SHISA9: variants seen among roughly 807,000 people sequenced by gnomAD.
The protein encoded by SHISA9 is protein shisa-9.
In SHISA9, 13 loss-of-function variants were observed where a neutral mutation model predicts 38.0. That is an observed-to-expected ratio of 0.34 (90% CI 0.22 to 0.54). The LOEUF is 0.54. Among genes scored for constraint, SHISA9 ranks in the 20% least tolerant of loss-of-function variants. The pLI is 0.91. For synonymous variants in SHISA9, 275 were observed against 242.0 expected, an observed-to-expected ratio of 1.14 and a Z score of -1.27; for missense variants, 538 against 575.8, an observed-to-expected ratio of 0.93 and a Z score of 0.67.
the SHISA9 span, among the ~76,000 whole-genome samples, chr16:13,288,379 C>T: frequency 3.9e-5 from 6 of 152,004 alleles, no homozygotes; most frequent in East Asian, 1.9e-4. Flanking sequence ...TCACAGAGGA[C>T]GGCCTTCTCA....
chr16:13,140,299 C>A lies in SHISA9; in HGVS notation c.692-63095C>A, dbSNP rs138811941. On this transcript the variant is annotated intron_variant, in intron 2 of 4. Transcript: ENST00000558583. Reference sequence around the variant, plus strand: ...TCAAGGAATTCTCCTGTCTCAGCCTCCTGAGTAGCTAGGGTCACAGGTGCC... The same window carrying A: ...TCAAGGAATTCTCCTGTCTCAGCCTACTGAGTAGCTAGGGTCACAGGTGCC... Among the ~76,000 whole-genome samples, 519 of 151,960 alleles carry A rather than the reference C, an allele frequency of 3.4e-3. 3 individuals are homozygous for A. Among genetic ancestry groups the A allele is most frequent in the African/African-American group, 0.012 (501 of 41,410 alleles).
the SHISA9 span, among the ~76,000 whole-genome samples, chr16:13,437,854 C>CA: frequency 3.2e-5 from 2 of 62,818 alleles, no homozygotes; most frequent in Admixed American, 6.0e-4. Context: ...GTTCCTAGCA[C>CA]TTTTTTTTTC....
chr16:13,477,299 T>C, the SHISA9 span, among the ~76,000 whole-genome samples: 1 of 152,150 alleles, frequency 6.6e-6, no homozygotes, highest in African/African-American at 2.4e-5. Context: ...CATGGGAAGG[T>C]ACCTTACACA....
At chr16:12,932,362 G>C (rs2071472676) in intron 2 of SHISA9, among the ~76,000 whole-genome samples, 1 of 151,940 alleles carries the variant, frequency 6.6e-6, no homozygotes, top group African/African-American at 2.4e-5. Context: ...TCTTTTTTGA[G>C]ATGGAGTCTT....
At chr16:13,296,040 A>C in the SHISA9 span, among the ~76,000 whole-genome samples, 1 of 152,196 alleles carries the variant, frequency 6.6e-6, no homozygotes, top group Admixed American at 6.5e-5. Flanking sequence ...AAATCTGAAA[A>C]GTGTCTCTTA....
At chr16:13,455,984 C>T in the SHISA9 span, among the ~76,000 whole-genome samples, 3 of 152,270 alleles carry the variant, frequency 2.0e-5, no homozygotes, top group East Asian at 3.9e-4. Flanking sequence ...GGAGATAAAA[C>T]GTGGCTACCT....
chr16:13,444,246 C>G, the SHISA9 span, among the ~76,000 whole-genome samples: 2 of 152,224 alleles, frequency 1.3e-5, no homozygotes, highest in East Asian at 3.9e-4. Flanking sequence ...TGGCACGCAC[C>G]TATAGTCCCA....
chr16:13,151,231 T>C (rs2050496358), intron 2 of SHISA9, among the ~76,000 whole-genome samples: 1 of 152,096 alleles, frequency 6.6e-6, no homozygotes, highest in Non-Finnish European at 1.5e-5. Context: ...CTCAGCCTCC[T>C]GAGGAGCTGG....
the SHISA9 span, among the ~76,000 whole-genome samples, chr16:13,561,329 C>G: frequency 2.3e-3 from 355 of 152,310 alleles, 2 homozygotes; most frequent in African/African-American, 8.2e-3. Flanking sequence ...CTCTGCATTT[C>G]TTACATAACT....
intron 2 of SHISA9, among the ~76,000 whole-genome samples, chr16:13,079,022 C>T (rs773724790): frequency 1.8e-4 from 27 of 152,298 alleles, no homozygotes; most frequent in South Asian, 6.2e-4. Flanking sequence ...TGCTAAGTGA[C>T]CCTGTGTGAG....
chr16:12,901,943 T>G lies in SHISA9; in HGVS notation c.-122T>G. 4 of 746,608 alleles carry G rather than the reference T, an allele frequency of 5.4e-6. No homozygotes were observed. Among genetic ancestry groups the G allele is most frequent in the Non-Finnish European group, 5.5e-6 (3 of 544,380 alleles). The allele number at this position is 746,608 out of a possible 1,614,324, so 46.2% of individuals were successfully genotyped here. A position where few individuals can be genotyped will look rare whatever the true frequency, so the allele number is the denominator to read the frequency against. On this transcript the variant is annotated 5_prime_UTR_variant, in exon 1 of 5. An upstream start codon of the reference 5' UTR is lost. Transcript: ENST00000558583. ...CGAGCGCCCCGCGCCGCTCCCTGCA[T>G]GTGCGGCCCGCGGCGGCTCGCAGCT...
At chr16:13,539,361 A>AC in the SHISA9 span, among the ~76,000 whole-genome samples, 32 of 80,924 alleles carry the variant, frequency 4.0e-4, no homozygotes, top group South Asian at 0.01. Context: ...ATATATATAA[A>AC]GACAGGATCT....
intron 4 of SHISA9, among the ~76,000 whole-genome samples, chr16:13,216,709 G>T (rs1205474813): frequency 2.6e-5 from 4 of 152,160 alleles, no homozygotes; most frequent in African/African-American, 9.7e-5. Flanking sequence ...ATGGGAAAAG[G>T]AAGAGGTAGC....
the SHISA9 span, among the ~76,000 whole-genome samples, chr16:13,322,683 C>T: frequency 5.9e-5 from 9 of 152,280 alleles, no homozygotes; most frequent in East Asian, 1.5e-3. Flanking sequence ...CACCCACTCT[C>T]GCATCCCCAT....
the SHISA9 span, among the ~76,000 whole-genome samples, chr16:13,265,106 CCTCCCCTCCCTTCCT>C: frequency 8.8e-6 from 1 of 113,562 alleles, no homozygotes; most frequent in African/African-American, 3.4e-5. Context: ...CCTCCCTTCC[CCTCCCCTCCCTTCCT>C]GTTCCCCTCC....
chr16:13,378,685 G>A, the SHISA9 span, among the ~76,000 whole-genome samples: 1 of 152,178 alleles, frequency 6.6e-6, no homozygotes, highest in Non-Finnish European at 1.5e-5. Context: ...GCAGCACAAG[G>A]GTTTGGGCTA....
intron 2 of SHISA9, among the ~76,000 whole-genome samples, chr16:12,928,242 A>G (rs2071417961): frequency 6.6e-6 from 1 of 151,842 alleles, no homozygotes; most frequent in African/African-American, 2.4e-5. Flanking sequence ...TCTTTTCTTA[A>G]TGAATGAGTA....
the SHISA9 span, among the ~76,000 whole-genome samples, chr16:13,531,535 A>G: frequency 1.3e-5 from 2 of 150,764 alleles, no homozygotes; most frequent in Non-Finnish European, 1.5e-5. Flanking sequence ...CAAGTACTAG[A>G]GTCCATGATA....
intron 2 of SHISA9, among the ~76,000 whole-genome samples, chr16:12,991,007 A>C (rs532253310): frequency 6.6e-6 from 1 of 152,212 alleles, no homozygotes; most frequent in African/African-American, 2.4e-5. Context: ...CAACAACAGA[A>C]TCTATTTCAC....
Sources: allele counts gnomAD v4.1 joint callset (sites outside exome capture counted in the v4.1 genomes callset), GRCh38; gene constraint gnomAD v4.1.1; transcripts MANE v1.5; gene names NCBI Gene and HGNC (gene_info 2026-07-23, HGNC 2026-07-21).